ZDHHC21: variants seen among roughly 807,000 people sequenced by gnomAD.
ZDHHC21 encodes the protein palmitoyltransferase ZDHHC21.
A neutral mutation model predicts 34.6 loss-of-function variants in ZDHHC21; 15 were observed. That is an observed-to-expected ratio of 0.43 (90% CI 0.29 to 0.67). The LOEUF is 0.67. ZDHHC21 is among the 30% of genes least tolerant of loss of function. The probability of loss-of-function intolerance (pLI) is 0.14; values close to 1 mark genes in which losing one functional copy is unlikely to be tolerated. For synonymous variants in ZDHHC21, 142 were observed against 101.8 expected (o/e 1.40, Z -2.38); for missense variants, 344 against 327.7 (o/e 1.05, Z -0.38).
chr9:14,664,389 A>G (rs1036822196), intron 5 of ZDHHC21, among the ~76,000 whole-genome samples: 1 of 151,020 alleles, frequency 6.6e-6, no homozygotes, highest in Non-Finnish European at 1.5e-5. Flanking sequence ...TTGCTAGCAC[A>G]GCAGTCTGAG....
intron 9 of ZDHHC21, 110 bp from the exon 10 acceptor site, chr9:14,619,208 G>A: frequency 8.5e-7 from 1 of 1,180,450 alleles, no homozygotes; most frequent in Non-Finnish European, 1.2e-6. Flanking sequence ...GATGAATTGT[G>A]TCCCAGCATC....
chr9:14,682,155 A>T (rs1837497026), intron 2 of ZDHHC21, among the ~76,000 whole-genome samples: 1 of 152,244 alleles, frequency 6.6e-6, no homozygotes, highest in African/African-American at 2.4e-5. Flanking sequence ...TAACCAGCTA[A>T]CATCATAATG....
chr9:14,639,438 G>C (rs1828917470), intron 8 of ZDHHC21, among the ~76,000 whole-genome samples: 1 of 152,040 alleles, frequency 6.6e-6, no homozygotes, highest in Non-Finnish European at 1.5e-5. Flanking sequence ...ATAATGCTCA[G>C]TAGCACAGTA....
chr9:14,636,259 A>G (rs1369368330), intron 8 of ZDHHC21, among the ~76,000 whole-genome samples: 1 of 152,228 alleles, frequency 6.6e-6, no homozygotes, highest in Non-Finnish European at 1.5e-5. Flanking sequence ...AGTAAGCTGG[A>G]ATAGCTAGCT....
In ZDHHC21 at chr9:14,615,955, G is replaced by C. The variant is rs1057126106; in HGVS notation, c.*3011C>G. The C allele has an allele frequency of 1.3e-5, 2 of 151,400 alleles. No homozygotes were observed. Among genetic ancestry groups the C allele is most frequent in the African/African-American group, 4.8e-5 (2 of 41,320 alleles). 9.4% of individuals were successfully genotyped at this position (151,400 alleles called of 1,614,324 possible). On this transcript the variant is annotated 3_prime_UTR_variant, in exon 10 of 10. Transcript: ENST00000380916. The stretch of plus-strand genomic sequence containing the variant: ...TTTCTAATGCCCAACACCTTTAGTT[G>C]TTTTCAGTTATCCAGAATACATAAG...
At chr9:14,652,720 G>C (rs570695453) in intron 7 of ZDHHC21, among the ~76,000 whole-genome samples, 1 of 152,064 alleles carries the variant, frequency 6.6e-6, no homozygotes, top group East Asian at 1.9e-4. Flanking sequence ...TTTACCATGA[G>C]CATAACATAC....
At chr9:14,629,180 G>A (rs1826864237) in intron 8 of ZDHHC21, among the ~76,000 whole-genome samples, 1 of 152,210 alleles carries the variant, frequency 6.6e-6, no homozygotes, top group South Asian at 2.1e-4. Flanking sequence ...GATACCAGCA[G>A]TGTCTGGTAC....
At chr9:14,638,737 T>C (rs1280575031) in intron 8 of ZDHHC21, among the ~76,000 whole-genome samples, 1 of 151,364 alleles carries the variant, frequency 6.6e-6, no homozygotes, top group Admixed American at 6.6e-5. Flanking sequence ...CAAAAGAAGA[T>C]ATGCAAATAG....
chr9:14,656,788 T>C (rs1450882573), intron 7 of ZDHHC21, among the ~76,000 whole-genome samples: 1 of 152,018 alleles, frequency 6.6e-6, no homozygotes, highest in African/African-American at 2.4e-5. Flanking sequence ...AAAATGCTAC[T>C]AACATATTAT....
At chr9:14,686,432 G>C (rs150880399) in intron 2 of ZDHHC21, among the ~76,000 whole-genome samples, 93 of 152,186 alleles carry the variant, frequency 6.1e-4, no homozygotes, top group African/African-American at 2.0e-3. Flanking sequence ...AAGTGTGCTG[G>C]TTACCACAGC....
At chr9:14,601,593 C>T in the ZDHHC21 span, among the ~76,000 whole-genome samples, 375 of 152,276 alleles carry the variant, frequency 2.5e-3, 1 homozygote, top group Non-Finnish European at 3.4e-3. Flanking sequence ...TGTGGCAATT[C>T]CTCAAGGATC....
intron 1 of ZDHHC21, among the ~76,000 whole-genome samples, chr9:14,692,710 G>A (rs957553644): frequency 6.6e-6 from 1 of 152,116 alleles, no homozygotes; most frequent in Non-Finnish European, 1.5e-5. Flanking sequence ...GGATCAAGAG[G>A]AGAGGAGTGA....
intron 3 of ZDHHC21, among the ~76,000 whole-genome samples, chr9:14,675,535 G>T (rs748458126): frequency 2.0e-5 from 3 of 151,800 alleles, no homozygotes; most frequent in Non-Finnish European, 2.9e-5. Context: ...AGGAAGCACT[G>T]ACCCATGAGC....
At chr9:14,642,905 T>C (rs972946839) in intron 7 of ZDHHC21, among the ~76,000 whole-genome samples, 2 of 152,150 alleles carry the variant, frequency 1.3e-5, no homozygotes. Context: ...TGTGCTCATA[T>C]ACAGATAAAT....
At chr9:14,685,572 A>G (rs1378438308) in intron 2 of ZDHHC21, among the ~76,000 whole-genome samples, 2 of 152,206 alleles carry the variant, frequency 1.3e-5, no homozygotes, top group Admixed American at 6.5e-5. Context: ...TGGAGAGGAT[A>G]TGAAGAAACA....
the ZDHHC21 span, among the ~76,000 whole-genome samples, chr9:14,590,941 T>C: frequency 1.3e-5 from 2 of 151,978 alleles, no homozygotes; most frequent in African/African-American, 4.8e-5. Flanking sequence ...AACACATATA[T>C]CAGAAAAATA....
chr9:14,596,628 G>C, the ZDHHC21 span, among the ~76,000 whole-genome samples: 1 of 152,156 alleles, frequency 6.6e-6, no homozygotes, highest in African/African-American at 2.4e-5. Context: ...ACAAATGCCT[G>C]GATTCAGATA....
chr9:14,618,978 G>A lies in ZDHHC21; in HGVS notation c.786C>T (p.Ala262=). The A allele has an allele frequency of 6.2e-7, 1 of 1,609,088 alleles. No homozygotes were observed. Among genetic ancestry groups the A allele is most frequent in the Non-Finnish European group, 8.5e-7 (1 of 1,177,442 alleles). ...RQPLRVPYHF[A]NHV is the part of the protein sequence containing the mutation. ...ACCATCCATCTGTTTAGACATGATT[G>A]GCAAAGTGGTAGGGAACTCGCAGTG... Residue 262 remains alanine (A), a synonymous_variant, in exon 10 of 10, where the codon GCC becomes GCT. Transcript: ENST00000380916.
At chr9:14,640,756 A>T (rs534181335) in intron 7 of ZDHHC21, among the ~76,000 whole-genome samples, 1 of 152,294 alleles carries the variant, frequency 6.6e-6, no homozygotes, top group East Asian at 1.9e-4. Flanking sequence ...AACATAAAGG[A>T]ATGCCTAGAT....
Sources: gnomAD v4.1 joint callset for allele counts (sites outside exome capture counted in the v4.1 genomes callset) on GRCh38, gnomAD v4.1.1 for gene constraint, MANE v1.5 for transcripts, NCBI Gene and HGNC (gene_info 2026-07-23, HGNC 2026-07-21) for gene names.